PHLPP1: variants seen among roughly 807,000 people sequenced by gnomAD.
PHLPP1 encodes the protein PH domain and leucine rich repeat protein phosphatase 1.
In PHLPP1, 42 loss-of-function variants were observed where a neutral mutation model predicts 117.2. That is an observed-to-expected ratio of 0.36 (90% CI 0.28 to 0.46). PHLPP1 has a LOEUF of 0.46. Among genes scored for constraint, PHLPP1 ranks in the 20% least tolerant of loss-of-function variants. PHLPP1 has a pLI of 1.00. For synonymous variants in PHLPP1, 1,042 were observed against 970.7 expected (o/e 1.07, Z -1.37); for missense variants, 2,084 against 2,241.9 (o/e 0.93, Z 1.42).
intron 9 of PHLPP1, among the ~76,000 whole-genome samples, chr18:62,916,605 G>GGGGTGTGTGT (rs1555681660): frequency 6.7e-4 from 98 of 145,846 alleles, no homozygotes; most frequent in African/African-American, 2.2e-3. Context: ...CAAGAGGGTG[G>GGGGTGTGTGT]GTGTGTGTGT....
intron 10 of PHLPP1, among the ~76,000 whole-genome samples, chr18:62,921,348 AC>A (rs910824725): frequency 1.3e-5 from 2 of 152,250 alleles, no homozygotes; most frequent in African/African-American, 4.8e-5. Context: ...TTTTTACCTT[AC>A]AAAATAAATG....
intron 9 of PHLPP1, among the ~76,000 whole-genome samples, chr18:62,916,605 G>GGTGTGTGTGTGTGTGTGTGTGTGT (rs71340133): frequency 1.4e-4 from 20 of 145,766 alleles, no homozygotes; most frequent in African/African-American, 4.6e-4. Flanking sequence ...CAAGAGGGTG[G>GGTGTGTGTGTGTGTGTGTGTGTGT]GTGTGTGTGT....
At chr18:62,797,536 A>G (rs1433987756) in intron 1 of PHLPP1, among the ~76,000 whole-genome samples, 11 of 152,214 alleles carry the variant, frequency 7.2e-5, no homozygotes. Context: ...TTGCACTATT[A>G]CAGATGGACG....
chr18:62,935,414 G>A (rs1180547811), intron 10 of PHLPP1, among the ~76,000 whole-genome samples: 1 of 152,074 alleles, frequency 6.6e-6, no homozygotes, highest in Non-Finnish European at 1.5e-5. Context: ...TAGATAGGAC[G>A]ACTTAATATT....
intron 2 of PHLPP1, among the ~76,000 whole-genome samples, chr18:62,830,942 C>T (rs1218591977): frequency 6.6e-6 from 1 of 152,106 alleles, no homozygotes; most frequent in Non-Finnish European, 1.5e-5. Context: ...AAGTCTTTGA[C>T]CACATTTTCC....
chr18:62,916,605 G>GGTGTGTGTGTGTGT (rs71340133), intron 9 of PHLPP1, among the ~76,000 whole-genome samples: 90 of 145,842 alleles, frequency 6.2e-4, no homozygotes, highest in African/African-American at 2.1e-3. Context: ...CAAGAGGGTG[G>GGTGTGTGTGTGTGT]GTGTGTGTGT....
chr18:62,730,787 T>G (rs2122059534), intron 1 of PHLPP1, among the ~76,000 whole-genome samples: 2 of 144,400 alleles, frequency 1.4e-5, no homozygotes, highest in Non-Finnish European at 3.0e-5. Flanking sequence ...CAAAACTTTG[T>G]CTCAAAAAAA....
intron 13 of PHLPP1, among the ~76,000 whole-genome samples, chr18:62,961,414 T>C (rs1397103830): frequency 6.6e-6 from 1 of 152,146 alleles, no homozygotes; most frequent in Non-Finnish European, 1.5e-5. Flanking sequence ...GAAAGAATTA[T>C]TTGTGTGCTG....
intron 1 of PHLPP1, among the ~76,000 whole-genome samples, chr18:62,800,817 C>T (rs1356890179): frequency 6.6e-6 from 1 of 152,022 alleles, no homozygotes; most frequent in Non-Finnish European, 1.5e-5. Flanking sequence ...CTTTGCATGA[C>T]TTAATAGTGA....
chr18:62,892,142 G>A (rs1398093424), intron 4 of PHLPP1, among the ~76,000 whole-genome samples: 1 of 129,694 alleles, frequency 7.7e-6, no homozygotes, highest in Non-Finnish European at 1.5e-5. Flanking sequence ...AGGCTGGAAT[G>A]CAATGGCACG....
At chr18:62,877,591 A>G (rs970628959) in intron 4 of PHLPP1, among the ~76,000 whole-genome samples, 3 of 152,230 alleles carry the variant, frequency 2.0e-5, no homozygotes, top group Admixed American at 2.0e-4. Flanking sequence ...TGTTAAAGGA[A>G]TTTCATGGAA....
intron 1 of PHLPP1, among the ~76,000 whole-genome samples, chr18:62,720,707 ATTTT>A (rs1050721881): frequency 6.7e-6 from 1 of 149,652 alleles, no homozygotes; most frequent in East Asian, 2.0e-4. Context: ...GAGGCTTTAA[ATTTT>A]TTTTTTAGTA....
intron 4 of PHLPP1, among the ~76,000 whole-genome samples, chr18:62,891,917 A>G (rs1916426024): frequency 6.7e-6 from 1 of 149,490 alleles, no homozygotes; most frequent in African/African-American, 2.4e-5. Context: ...AAAAAAAGAA[A>G]GAAATATTTT....
At chr18:62,952,356 A>C (rs1437786428) in intron 12 of PHLPP1, among the ~76,000 whole-genome samples, 2 of 152,182 alleles carry the variant, frequency 1.3e-5, no homozygotes, top group Non-Finnish European at 2.9e-5. Flanking sequence ...ACTTAGTTTT[A>C]GTGTTTGAGG....
At chr18:62,946,341 A>G (rs1910280592) in intron 12 of PHLPP1, among the ~76,000 whole-genome samples, 1 of 152,126 alleles carries the variant, frequency 6.6e-6, no homozygotes. Context: ...GGCTCACTGC[A>G]ACCTCTCTCT....
chr18:62,938,407 A>G (rs1246276168), intron 10 of PHLPP1, among the ~76,000 whole-genome samples: 1 of 152,222 alleles, frequency 6.6e-6, no homozygotes, highest in African/African-American at 2.4e-5. Context: ...GTTCTGGTGG[A>G]AGGATGAAAT....
intron 12 of PHLPP1, among the ~76,000 whole-genome samples, chr18:62,957,781 T>C (rs1910659987): frequency 6.6e-6 from 1 of 151,864 alleles, no homozygotes; most frequent in Non-Finnish European, 1.5e-5. Context: ...AATGGTGCGA[T>C]CTCGGCTCAC....
intron 10 of PHLPP1, 104 bp downstream of exon 10, chr18:62,920,218 C>T: frequency 9.1e-7 from 1 of 1,101,198 alleles, no homozygotes; most frequent in Non-Finnish European, 1.3e-6. Context: ...GAGTATGTAT[C>T]TGTCCCAGAT....
In PHLPP1 at chr18:62,766,076, A is replaced by AAAAAAATATATATATATAT; in HGVS notation, c.1576+48818_1576+48819insAAAAATATATATATATATA. 6.9e-4 allele frequency among the ~76,000 whole-genome samples: 15 copies of AAAAAAATATATATATATAT among 21,654 alleles called. 1 individual carries two copies. The highest frequency in any genetic ancestry group is 1.6e-3 in the Admixed American group (2 of 1,272). The allele number at this position is 21,654 out of a possible 152,430, so 14.2% of individuals were successfully genotyped here. On this transcript the variant is annotated intron_variant, in intron 1 of 16. Transcript: ENST00000262719. ...ACTCCATCTCAAAAAAAAAAAAAAA[A>AAAAAAATATATATATATAT]ATATATATATATATATATATATATA...
Sources: allele counts gnomAD v4.1 joint callset (sites outside exome capture counted in the v4.1 genomes callset), GRCh38; gene constraint gnomAD v4.1.1; transcripts MANE v1.5; gene names NCBI Gene and HGNC (gene_info 2026-07-23, HGNC 2026-07-21).